The following PCDHGA11 variants were observed in gnomAD, a reference collection of about 807,000 sequenced individuals.
The protein encoded by PCDHGA11 is protocadherin gamma subfamily A, 11.
In PCDHGA11, 39 loss-of-function variants were observed where a neutral mutation model predicts 60.4. The ratio of observed to expected loss-of-function variants is 0.65; its 90% CI spans 0.50 to 0.84. PCDHGA11 has a LOEUF of 0.84. Among genes scored for constraint, PCDHGA11 ranks in the 40% least tolerant of loss-of-function variants. The probability of loss-of-function intolerance (pLI) is 0.00; values close to 1 mark genes in which losing one functional copy is unlikely to be tolerated. For synonymous variants in PCDHGA11, 533 were observed against 510.3 expected (o/e 1.04, Z -0.60); for missense variants, 1,165 against 1,197.7 (o/e 0.97, Z 0.40).
chr5:141,423,320 T>C lies in PCDHGA11; in HGVS notation c.2093T>C (p.Val698Ala). ...SDLSLYLVVA[V>A]AAVSCIFLVF... Reference sequence around the variant, plus strand: ...CTCTCGCTGTACTTGGTGGTGGCGGTGGCCGCAGTCTCCTGCATCTTCCTG... The same window carrying C: ...CTCTCGCTGTACTTGGTGGTGGCGGCGGCCGCAGTCTCCTGCATCTTCCTG... The change falls in exon 1 of 4, where the codon GTG becomes GCG. Residue 698 changes from valine to alanine, a missense_variant. By Grantham distance (64) the Val-to-Ala change is moderately conservative. Coordinates refer to ENST00000398587, the MANE Select transcript of PCDHGA11 (RefSeq NM_018914.3). The C allele has an allele frequency of 6.2e-7, 1 of 1,614,148 alleles. No individual in the cohort carries two copies. Among genetic ancestry groups the C allele is most frequent in the Non-Finnish European group, 8.5e-7 (1 of 1,180,016 alleles).
At chr5:141,494,522 G>C (rs2099754911) in intron 1 of PCDHGA11, among the ~76,000 whole-genome samples, 1 of 152,196 alleles carries the variant, frequency 6.6e-6, no homozygotes, top group Non-Finnish European at 1.5e-5. Flanking sequence ...CAGGAGTTCT[G>C]ACTCTGGGGG....
At chr5:141,457,125 C>T (rs1011977795) in intron 1 of PCDHGA11, among the ~76,000 whole-genome samples, 3 of 152,236 alleles carry the variant, frequency 2.0e-5, no homozygotes, top group Admixed American at 6.5e-5. Flanking sequence ...GCAATGGAAA[C>T]TCTGTCCAAT....
At chr5:141,428,196 C>A in intron 1 of PCDHGA11, 2 of 1,383,704 alleles carry the variant, frequency 1.4e-6, no homozygotes, top group Non-Finnish European at 2.0e-6. Context: ...CCGCTCTCTG[C>A]GCCGCTACGC....
chr5:141,442,797 G>A (rs140116155), intron 1 of PCDHGA11, among the ~76,000 whole-genome samples: 1,916 of 152,222 alleles, frequency 0.013, 22 homozygotes, highest in Non-Finnish European at 0.02. Context: ...ATTTTACTTT[G>A]ATATTCAAAT....
chr5:141,479,469 C>T lies in PCDHGA11; in HGVS notation c.2434-15338C>T, dbSNP rs1218436564. 8 of 152,344 alleles carry T rather than the reference C, an allele frequency of 5.3e-5. No homozygotes were observed. In the East Asian group the frequency reaches 1.5e-3, roughly 29 times the overall value. 9.4% of individuals were successfully genotyped at this position (152,344 alleles called of 1,614,324 possible). On this transcript the variant is annotated intron_variant, in intron 1 of 3. Transcript: ENST00000398587. ...AAGTTCAGCATGAATACAGTGACCT[C>T]TTGGGAGGGCAGGACCATCAGGTTG...
intron 1 of PCDHGA11, among the ~76,000 whole-genome samples, chr5:141,437,886 C>T (rs763669578): frequency 1.1e-4 from 17 of 152,140 alleles, no homozygotes; most frequent in Non-Finnish European, 1.5e-4. Context: ...TACAGGCACA[C>T]GCCACCACAC....
chr5:141,456,875 A>C (rs2098894225), intron 1 of PCDHGA11, among the ~76,000 whole-genome samples: 1 of 152,190 alleles, frequency 6.6e-6, no homozygotes, highest in African/African-American at 2.4e-5. Context: ...AGGCAGGAGA[A>C]TCGCTTGAAC....
intron 1 of PCDHGA11, among the ~76,000 whole-genome samples, chr5:141,459,014 T>C (rs1429233660): frequency 6.6e-6 from 1 of 152,240 alleles, no homozygotes; most frequent in East Asian, 1.9e-4. Context: ...ATTACAGGCA[T>C]GAGCCACCAC....
chr5:141,430,480 A>G (rs2097288752), intron 1 of PCDHGA11: 1 of 256,116 alleles, frequency 3.9e-6, no homozygotes, highest in Admixed American at 5.4e-5. Context: ...TTAAGATATA[A>G]AAACGAAATA....
chr5:141,503,213 A>G (rs1368413073), intron 2 of PCDHGA11, among the ~76,000 whole-genome samples: 1 of 152,100 alleles, frequency 6.6e-6, no homozygotes, highest in Non-Finnish European at 1.5e-5. Flanking sequence ...AGTGCCCACC[A>G]TGAGCACCGT....
intron 1 of PCDHGA11, among the ~76,000 whole-genome samples, chr5:141,482,314 A>G (rs1279804501): frequency 6.6e-6 from 1 of 152,180 alleles, no homozygotes; most frequent in Admixed American, 6.5e-5. Flanking sequence ...TTCCTCATCT[A>G]TAAAATAAAG....
In PCDHGA11 at chr5:141,431,357, C is replaced by G. The variant is rs762220618; in HGVS notation, c.2433+7697C>G. 1.9e-5 allele frequency: 31 copies of G among 1,613,926 alleles called. No homozygotes were observed. Among genetic ancestry groups the G allele is most frequent in the Non-Finnish European group, 2.2e-5 (26 of 1,180,046 alleles). On this transcript the variant is annotated intron_variant, in intron 1 of 3. Coordinates refer to ENST00000398587, the MANE Select transcript of PCDHGA11 (RefSeq NM_018914.3). The surrounding 1 kb of genome is among the most constrained non-coding windows in gnomAD (Gnocchi z 4.8). ...CCCCGAATTGGTGCTGAAACGCGCC[C>G]TGGACCGCGAAGAAAAGGCTGCTCA...
chr5:141,485,666 A>G lies in PCDHGA11; in HGVS notation c.2434-9141A>G. ...GGCTCAGGATGCAGATGTGGGGAGC[A>G]ATTCGATTAGCAGCTATAGGCTGAG... On this transcript the variant is annotated intron_variant, in intron 1 of 3. Coordinates refer to ENST00000398587, the MANE Select transcript of PCDHGA11 (RefSeq NM_018914.3). The surrounding 1 kb of genome is among the most constrained non-coding windows in gnomAD (Gnocchi z 5.7). 1 of 1,612,786 alleles carries G rather than the reference A, an allele frequency of 6.2e-7. No homozygotes were observed. Among genetic ancestry groups the G allele is most frequent in the Non-Finnish European group, 8.5e-7 (1 of 1,178,960 alleles).
Position 141,432,846 on chromosome 5 carries a change from C to T in PCDHGA11, c.2433+9186C>T, listed in dbSNP as rs1312403897. ...GACCTCACTCTGTACCTGGTGGTAGCGGTGGCCGCGGTCTCCTGCGTCTTC... is the reference window on the plus strand; with the variant it reads ...GACCTCACTCTGTACCTGGTGGTAGTGGTGGCCGCGGTCTCCTGCGTCTTC... On this transcript the variant is annotated intron_variant, in intron 1 of 3. Transcript: ENST00000398587. The surrounding 1 kb of genome is among the most constrained non-coding windows in gnomAD (Gnocchi z 6.0). 2.5e-6 allele frequency: 4 copies of T among 1,614,192 alleles called. No homozygotes were observed. The African/African-American group carries it at 5.3e-5, about 22-fold the overall frequency.
rs1388608588 is a variant in PCDHGA11 at position 141,481,102 on chromosome 5, A to T, written c.2434-13705A>T. The stretch of plus-strand genomic sequence containing the variant: ...GAAAAAAGAAAAGCAGTACTCTGGA[A>T]CCTACCAATCCATCATTTAGCATAT... On this transcript the variant is annotated intron_variant, in intron 1 of 3. Transcript: ENST00000398587. 3.3e-5 allele frequency among the ~76,000 whole-genome samples: 5 copies of T among 152,288 alleles called. No individual in the cohort carries two copies. The East Asian group carries it at 7.7e-4, about 24-fold the overall frequency.
At chr5:141,462,800 A>C (rs1039129881) in intron 1 of PCDHGA11, among the ~76,000 whole-genome samples, 2 of 152,128 alleles carry the variant, frequency 1.3e-5, no homozygotes, top group Non-Finnish European at 2.9e-5. Flanking sequence ...TTGCATGTCT[A>C]ATAATGTTTT....
intron 1 of PCDHGA11, chr5:141,427,988 T>C (rs555561265): frequency 6.3e-7 from 1 of 1,598,504 alleles, no homozygotes; most frequent in South Asian, 1.1e-5. Context: ...TGGGGCCCGA[T>C]GGCTCCGCAC....
chr5:141,458,674 A>G (rs1315462699), intron 1 of PCDHGA11, among the ~76,000 whole-genome samples: 1 of 152,104 alleles, frequency 6.6e-6, no homozygotes, highest in East Asian at 1.9e-4. Flanking sequence ...GGTTCAAGCA[A>G]TTCTACTGCC....
Position 141,489,072 on chromosome 5 carries a change from AC to A in PCDHGA11, c.2434-5730del. The A allele has an allele frequency of 6.3e-6, 1 of 157,708 alleles. No individual in the cohort carries two copies. The highest frequency in any genetic ancestry group is 1.2e-5 in the Non-Finnish European group (1 of 83,994). The allele number at this position is 157,708 out of a possible 1,614,324, so 9.8% of individuals were successfully genotyped here. On this transcript the variant is annotated intron_variant, in intron 1 of 3. Coordinates refer to ENST00000398587, the MANE Select transcript of PCDHGA11 (RefSeq NM_018914.3). This position sits in a 1 kb window ranked among gnomAD's most constrained non-coding sequence, Gnocchi z 4.5. ...AATTCAGCTCCCCTCCCCCCTGCCC[AC>A]CCCCGCCACTCGGTGACTAAGAACT...
Sources: allele counts gnomAD v4.1 joint callset (sites outside exome capture counted in the v4.1 genomes callset), GRCh38; gene constraint gnomAD v4.1.1; non-coding constraint Gnocchi (gnomAD v3.1); transcripts MANE v1.5; gene names NCBI Gene and HGNC (gene_info 2026-07-23, HGNC 2026-07-21).